Variants in MTAP observed in about 807,000 individuals in gnomAD.
The protein encoded by MTAP is methylthioadenosine phosphorylase.
In MTAP, 33 loss-of-function variants were observed where a neutral mutation model predicts 33.6. That is an observed-to-expected ratio of 0.98 (90% CI 0.74 to 1.31). The LOEUF (loss-of-function observed/expected upper bound fraction) is 1.31, where lower values mean the gene tolerates loss of function less well. Among genes scored for constraint, MTAP ranks in the 40% most tolerant of loss-of-function variants. MTAP has a pLI of 0.00. For synonymous variants in MTAP, 148 were observed against 125.7 expected, an observed-to-expected ratio of 1.18 and a Z score of -1.19; for missense variants, 367 against 360.0, an observed-to-expected ratio of 1.02 and a Z score of -0.16.
rs1421444024 is a variant in MTAP, at chr9:21,816,733, T to C, written c.140T>C (p.Leu47Ser). The change falls in exon 3 of 8, where the codon TTG (leucine) becomes TCG (serine). Residue 47 changes from leucine (L) to serine (S), a missense_variant. Transcript: ENST00000644715. ...ATGCAGCCATCTGATGCCTTAATTT[T>C]GGGGAAGATAAAAAATGTTGATTGC... Reference protein sequence around the residue: ...PFGKPSDALILGKIKNVDCVL... With the variant: ...PFGKPSDALISGKIKNVDCVL... The C allele has an allele frequency of 6.2e-7, 1 of 1,612,214 alleles. No homozygotes were observed. The highest frequency in any genetic ancestry group is 8.5e-7 in the Non-Finnish European group (1 of 1,179,392).
intron 1 of MTAP, among the ~76,000 whole-genome samples, chr9:21,886,292 TGATGG>T (rs1166183444): frequency 2.0e-5 from 3 of 152,120 alleles, no homozygotes; most frequent in Admixed American, 6.6e-5. Context: ...GCCCACATTT[TGATGG>T]GATTGTTTTA....
intron 1 of MTAP, among the ~76,000 whole-genome samples, chr9:21,899,936 T>C (rs1397491168): frequency 1.3e-5 from 2 of 152,134 alleles, no homozygotes; most frequent in Non-Finnish European, 2.9e-5. Flanking sequence ...GGGAAAGGAC[T>C]CCCTATTCAA....
chr9:21,825,687 A>G (rs1445607414), intron 4 of MTAP, among the ~76,000 whole-genome samples: 3 of 152,202 alleles, frequency 2.0e-5, no homozygotes, highest in East Asian at 1.9e-4. Flanking sequence ...AAAATAAAAC[A>G]AAAATTAGCC....
intron 1 of MTAP, among the ~76,000 whole-genome samples, chr9:21,875,611 C>G (rs1825995596): frequency 6.6e-6 from 1 of 152,016 alleles, no homozygotes; most frequent in South Asian, 2.1e-4. Context: ...TTCTTATCAT[C>G]TAGCTCCCAC....
intron 1 of MTAP, among the ~76,000 whole-genome samples, chr9:21,910,929 G>C (rs1818566201): frequency 6.6e-6 from 1 of 152,132 alleles, no homozygotes; most frequent in Non-Finnish European, 1.5e-5. Flanking sequence ...TAAAGGGTTG[G>C]AGGAAGATCT....
At chr9:21,883,502 T>C (rs1818051431) in intron 1 of MTAP, among the ~76,000 whole-genome samples, 2 of 152,022 alleles carry the variant, frequency 1.3e-5, no homozygotes, top group Non-Finnish European at 2.9e-5. Context: ...ATAAGCCTAC[T>C]GTAGCAGTCT....
At chr9:21,816,572 T>C (rs943786268) in intron 2 of MTAP, 142 bp from the exon 3 acceptor site, 1 of 675,282 alleles carries the variant, frequency 1.5e-6, no homozygotes, top group Non-Finnish European at 2.5e-6. Flanking sequence ...AATGATTATA[T>C]TGATAATCAG....
At chr9:21,841,950 G>A (rs1825257932) in intron 5 of MTAP, among the ~76,000 whole-genome samples, 1 of 152,106 alleles carries the variant, frequency 6.6e-6, no homozygotes, top group Non-Finnish European at 1.5e-5. Flanking sequence ...TGCCAGATAA[G>A]GAATTCAGAA....
rs182487682 is a variant in MTAP, at chr9:21,812,084, A to G, written c.34-3349A>G. On this transcript the variant is annotated intron_variant, in intron 1 of 7. Coordinates refer to ENST00000644715, the MANE Select transcript of MTAP (RefSeq NM_002451.4). ...TATTCTTGGCATCAAAGAACTGCCA[A>G]GTGGGCTCACGCACCATGAGGGCCC... 11 of 239,540 alleles carry G rather than the reference A, an allele frequency of 4.6e-5. No individual in the cohort carries two copies. In the East Asian group the frequency reaches 4.8e-4, roughly 11 times the overall value. The allele number at this position is 239,540 out of a possible 1,614,324, so 14.8% of individuals were successfully genotyped here.
At chr9:21,880,937 G>A (rs1818002040) in intron 1 of MTAP, among the ~76,000 whole-genome samples, 1 of 151,638 alleles carries the variant, frequency 6.6e-6, no homozygotes, top group African/African-American at 2.4e-5. Flanking sequence ...AATCTCAAAG[G>A]ACCCCCCAGT....
intron 1 of MTAP, among the ~76,000 whole-genome samples, chr9:21,888,807 C>T (rs1818153546): frequency 6.6e-6 from 1 of 151,826 alleles, no homozygotes; most frequent in Non-Finnish European, 1.5e-5. Context: ...GGAAATTCGT[C>T]GCAAAAAGAT....
rs2118619129 is a variant in MTAP, at chr9:21,866,863, G to A, written c.*4849G>A. On this transcript the variant is annotated 3_prime_UTR_variant, in exon 8 of 8. Transcript: ENST00000644715. ...ACATGGTATGTTTCTGCATTTATTT[G>A]GGCCTTTTAAAATTTATCTCAGCAA... is the stretch of plus-strand genomic sequence containing the variant. 1 of 152,066 alleles carries A rather than the reference G, an allele frequency of 6.6e-6. No homozygotes were observed. Among genetic ancestry groups the A allele is most frequent in the African/African-American group, 2.4e-5 (1 of 41,500 alleles). The allele number at this position is 152,066 out of a possible 1,614,324, so 9.4% of individuals were successfully genotyped here. A position where few individuals can be genotyped will look rare whatever the true frequency, so the allele number is the denominator to read the frequency against.
downstream of MTAP, among the ~76,000 whole-genome samples, chr9:21,869,508 T>G (rs1407443530): frequency 6.6e-6 from 1 of 152,176 alleles, no homozygotes; most frequent in Non-Finnish European, 1.5e-5. Flanking sequence ...GATCTTTTAA[T>G]GTTGCCTGCC....
chr9:21,826,636 A>G (rs1031402341), intron 4 of MTAP, among the ~76,000 whole-genome samples: 10 of 146,222 alleles, frequency 6.8e-5, no homozygotes, highest in Non-Finnish European at 1.3e-4. Context: ...TATTATTATT[A>G]TTATTATTAT....
At chr9:21,915,614 G>T (rs534318512) in intron 1 of MTAP, among the ~76,000 whole-genome samples, 1 of 152,102 alleles carries the variant, frequency 6.6e-6, no homozygotes, top group South Asian at 2.1e-4. Context: ...ATAAGTTTTA[G>T]AATTTTACTC....
At chr9:21,911,568 T>G (rs1294890329) in intron 1 of MTAP, among the ~76,000 whole-genome samples, 1 of 152,080 alleles carries the variant, frequency 6.6e-6, no homozygotes, top group African/African-American at 2.4e-5. Flanking sequence ...ATAAAAATGT[T>G]CTTTGAAACC....
chr9:21,816,547 A>G (rs1824480245), intron 2 of MTAP, among the ~76,000 whole-genome samples, 167 bp from the exon 3 acceptor site: 1 of 152,230 alleles, frequency 6.6e-6, no homozygotes, highest in African/African-American at 2.4e-5. Context: ...AGAGGGATCA[A>G]TAAGTAATTG....
chr9:21,927,897 T>A (rs746628568), intron 1 of MTAP, among the ~76,000 whole-genome samples: 3 of 152,194 alleles, frequency 2.0e-5, no homozygotes, highest in African/African-American at 4.8e-5. Context: ...AGACCTCCAA[T>A]CTTAGAGCTA....
intron 1 of MTAP, among the ~76,000 whole-genome samples, chr9:21,899,277 A>T (rs1180463190): frequency 6.6e-6 from 1 of 151,520 alleles, no homozygotes; most frequent in Non-Finnish European, 1.5e-5. Context: ...AGATATACCT[A>T]ATGTAAATGA....
Sources: gnomAD v4.1 joint callset for allele counts (sites outside exome capture counted in the v4.1 genomes callset) on GRCh38, gnomAD v4.1.1 for gene constraint, MANE v1.5 for transcripts, NCBI Gene and HGNC (gene_info 2026-07-23, HGNC 2026-07-21) for gene names.